The following VSTM4 variants were observed in gnomAD, a reference collection of about 807,000 sequenced individuals.
VSTM4 encodes the protein V-set and transmembrane domain containing 4, also known as V-set and transmembrane domain-containing protein 4.
VSTM4 carries 20 observed loss-of-function variants against 36.4 expected under a neutral mutation model. The ratio of observed to expected loss-of-function variants is 0.55; its 90% CI spans 0.39 to 0.80. The LOEUF is 0.80. Ranked by LOEUF, VSTM4 falls within the 30% of genes least tolerant of loss-of-function variation. VSTM4 has a pLI of 0.00. For synonymous variants in VSTM4, 182 were observed against 173.9 expected (o/e 1.05, Z -0.37); for missense variants, 392 against 404.5 (o/e 0.97, Z 0.26).
intron 7 of VSTM4, among the ~76,000 whole-genome samples, chr10:49,028,295 G>A (rs545326985): frequency 6.6e-6 from 1 of 152,310 alleles, no homozygotes; most frequent in South Asian, 2.1e-4. Context: ...GAACCTTCCT[G>A]GACTCTGGGC....
chr10:49,108,958 G>T (rs1458241556), intron 1 of VSTM4, among the ~76,000 whole-genome samples: 1 of 152,168 alleles, frequency 6.6e-6, no homozygotes, highest in Non-Finnish European at 1.5e-5. Flanking sequence ...CGACCAGGCT[G>T]CCCGGTGCTC....
At chr10:49,049,320 G>T (rs1564573506) in intron 5 of VSTM4, among the ~76,000 whole-genome samples, 1 of 152,104 alleles carries the variant, frequency 6.6e-6, no homozygotes, top group Non-Finnish European at 1.5e-5. Flanking sequence ...GAAGGCCAAG[G>T]CTTAAATAGG....
At chr10:49,083,114 A>C (rs1844309583) in intron 3 of VSTM4, among the ~76,000 whole-genome samples, 1 of 152,252 alleles carries the variant, frequency 6.6e-6, no homozygotes, top group Admixed American at 6.5e-5. Flanking sequence ...TTTCTGAATC[A>C]AGAAAGTAAG....
At chr10:49,091,056 C>A (rs1844464986) in intron 2 of VSTM4, among the ~76,000 whole-genome samples, 1 of 152,170 alleles carries the variant, frequency 6.6e-6, no homozygotes. Flanking sequence ...AGAAGGAAGC[C>A]CAATTTGATC....
At chr10:49,076,988 G>C (rs1410462607) in intron 4 of VSTM4, among the ~76,000 whole-genome samples, 1 of 152,162 alleles carries the variant, frequency 6.6e-6, no homozygotes, top group Non-Finnish European at 1.5e-5. Flanking sequence ...CAGCAGGAAG[G>C]GGCCTCAGAA....
chr10:49,083,683 C>T (rs1247114683), intron 3 of VSTM4, among the ~76,000 whole-genome samples: 2 of 152,158 alleles, frequency 1.3e-5, no homozygotes, highest in East Asian at 3.8e-4. Flanking sequence ...TCGGGAGTAA[C>T]CCTGACATTC....
intron 3 of VSTM4, among the ~76,000 whole-genome samples, chr10:49,084,594 G>T (rs541464263): frequency 1.3e-5 from 2 of 152,192 alleles, no homozygotes; most frequent in South Asian, 2.1e-4. Flanking sequence ...TTAACAAAGG[G>T]TGACAGTAAG....
At chr10:49,033,467 C>A (rs1180104649) in intron 7 of VSTM4, among the ~76,000 whole-genome samples, 1 of 152,152 alleles carries the variant, frequency 6.6e-6, no homozygotes, top group Non-Finnish European at 1.5e-5. Context: ...AGAATATATG[C>A]CAAACTCCTG....
chr10:49,042,205 C>T (rs1321174722), intron 7 of VSTM4, among the ~76,000 whole-genome samples: 3 of 152,168 alleles, frequency 2.0e-5, no homozygotes, highest in Non-Finnish European at 4.4e-5. Flanking sequence ...ATTGTTTTAG[C>T]CTTTATGCTC....
At chr10:49,035,408 T>C (rs1053275828) in intron 7 of VSTM4, among the ~76,000 whole-genome samples, 1 of 152,162 alleles carries the variant, frequency 6.6e-6, no homozygotes, top group African/African-American at 2.4e-5. Context: ...AAGTTCCTTC[T>C]CAAAGCACAA....
At chr10:49,029,069 A>G (rs981006149) in intron 7 of VSTM4, among the ~76,000 whole-genome samples, 1 of 152,204 alleles carries the variant, frequency 6.6e-6, no homozygotes, top group African/African-American at 2.4e-5. Context: ...TATAGCCACC[A>G]AGGAGCTTGA....
chr10:49,106,672 G>A (rs968792842), intron 2 of VSTM4, among the ~76,000 whole-genome samples: 1 of 152,122 alleles, frequency 6.6e-6, no homozygotes, highest in African/African-American at 2.4e-5. Context: ...CTCCCAACGC[G>A]TGCCTCCTCC....
At chr10:49,024,680 G>A (rs1193114822) in intron 7 of VSTM4, among the ~76,000 whole-genome samples, 1 of 152,158 alleles carries the variant, frequency 6.6e-6, no homozygotes, top group Non-Finnish European at 1.5e-5. Flanking sequence ...AAAAGGTGCT[G>A]AACATGTGTG....
At chr10:49,070,287 G>A (rs4838363) in intron 4 of VSTM4, among the ~76,000 whole-genome samples, 146 of 93,628 alleles carry the variant, frequency 1.6e-3, no homozygotes, top group Non-Finnish European at 2.1e-3. Flanking sequence ...AAAGAAATAT[G>A]ACATATCTCA....
intron 2 of VSTM4, chr10:49,103,339 C>T (rs1047202840): frequency 5.0e-6 from 1 of 201,290 alleles, no homozygotes; most frequent in Non-Finnish European, 8.9e-6. Context: ...AGTCACAGAA[C>T]ACTCTTTACA....
intron 7 of VSTM4, among the ~76,000 whole-genome samples, chr10:49,039,636 A>G (rs1843488971): frequency 6.6e-6 from 1 of 151,942 alleles, no homozygotes; most frequent in Non-Finnish European, 1.5e-5. Context: ...CTTGCAGATG[A>G]GGTGTGGGTG....
At chr10:49,093,974 C>A (rs1370124646) in intron 2 of VSTM4, among the ~76,000 whole-genome samples, 2 of 151,998 alleles carry the variant, frequency 1.3e-5, no homozygotes. Flanking sequence ...GTCTTGATCT[C>A]CTGACCTCGC....
intron 4 of VSTM4, among the ~76,000 whole-genome samples, chr10:49,072,370 A>C (rs1564582878): frequency 6.6e-6 from 1 of 152,182 alleles, no homozygotes; most frequent in Non-Finnish European, 1.5e-5. Context: ...ACAGCTCAGC[A>C]CCACCAATCC....
At chr10:49,035,131 C>T (rs562826092) in intron 7 of VSTM4, among the ~76,000 whole-genome samples, 2 of 152,246 alleles carry the variant, frequency 1.3e-5, no homozygotes, top group South Asian at 4.1e-4. Context: ...CCAGGAAAGG[C>T]CACCCATGGG....
Sources: gnomAD v4.1 joint callset for allele counts (sites outside exome capture counted in the v4.1 genomes callset) on GRCh38, gnomAD v4.1.1 for gene constraint, MANE v1.5 for transcripts, NCBI Gene and HGNC (gene_info 2026-07-23, HGNC 2026-07-21) for gene names.